Variants in ADGRL2 observed in about 807,000 individuals in gnomAD.
ADGRL2 encodes the protein adhesion G protein-coupled receptor L2.
Under a neutral mutation model 157.4 loss-of-function variants are expected in ADGRL2, and 44 were observed. The ratio of observed to expected loss-of-function variants is 0.28; its 90% CI spans 0.22 to 0.36. The LOEUF is 0.36. Among genes scored for constraint, ADGRL2 ranks in the 10% least tolerant of loss-of-function variants. The probability of loss-of-function intolerance (pLI) is 1.00; values close to 1 mark genes in which losing one functional copy is unlikely to be tolerated. For missense variants in ADGRL2, 1,510 were observed against 1,768.9 expected, an observed-to-expected ratio of 0.85 and a Z score of 2.63; for synonymous variants, 585 against 624.7, an observed-to-expected ratio of 0.94 and a Z score of 0.95.
At chr1:81,574,339 T>C (rs2080755474) in intron 2 of ADGRL2, among the ~76,000 whole-genome samples, 3 of 152,106 alleles carry the variant, frequency 2.0e-5, no homozygotes, top group Admixed American at 1.3e-4. Flanking sequence ...ATTAAAATCA[T>C]GTGTTAGGCA....
intron 3 of ADGRL2, among the ~76,000 whole-genome samples, chr1:81,664,079 T>A (rs866093346): frequency 6.6e-6 from 1 of 152,176 alleles, no homozygotes; most frequent in Admixed American, 6.5e-5. Flanking sequence ...TTTGTTTTTG[T>A]TTTTTACTTT....
chr1:81,916,973 GAA>G (rs142071618), intron 3 of ADGRL2, among the ~76,000 whole-genome samples: 1 of 149,302 alleles, frequency 6.7e-6, no homozygotes, highest in African/African-American at 2.4e-5. Context: ...GAGAAAGAGA[GAA>G]AAAAAAAATA....
intron 1 of ADGRL2, among the ~76,000 whole-genome samples, chr1:81,802,737 G>C (rs1025379638): frequency 1.3e-5 from 2 of 152,292 alleles, no homozygotes; most frequent in Non-Finnish European, 2.9e-5. Flanking sequence ...GTCCCGCACT[G>C]TAAGTGGAGC....
chr1:81,597,093 A>G (rs2081249310), intron 3 of ADGRL2, among the ~76,000 whole-genome samples: 1 of 152,206 alleles, frequency 6.6e-6, no homozygotes, highest in African/African-American at 2.4e-5. Context: ...ATGGAAAGAT[A>G]TTCTTCCTGA....
At chr1:81,379,280 G>C (rs541542811) in intron 1 of ADGRL2, among the ~76,000 whole-genome samples, 5 of 152,318 alleles carry the variant, frequency 3.3e-5, no homozygotes, top group African/African-American at 1.2e-4. Flanking sequence ...GCAGGCTGTG[G>C]GGCTCCGACC....
chr1:81,754,642 T>C (rs1247277808), intron 1 of ADGRL2, among the ~76,000 whole-genome samples: 1 of 148,644 alleles, frequency 6.7e-6, no homozygotes, highest in African/African-American at 2.5e-5. Flanking sequence ...TTCTTTTCCT[T>C]TCCTTTCCTT....
intron 2 of ADGRL2, among the ~76,000 whole-genome samples, chr1:81,774,359 T>C (rs1045362038): frequency 2.0e-5 from 3 of 152,238 alleles, no homozygotes; most frequent in Non-Finnish European, 2.9e-5. Flanking sequence ...ATACTCATGA[T>C]GGCAAACACA....
chr1:81,957,545 G>A (rs900744044), intron 11 of ADGRL2, among the ~76,000 whole-genome samples: 45 of 151,562 alleles, frequency 3.0e-4, no homozygotes, highest in Non-Finnish European at 5.3e-4. Flanking sequence ...CAAAAAATAC[G>A]CCAAGAAAAA....
intron 10 of ADGRL2, among the ~76,000 whole-genome samples, chr1:81,955,449 C>T (rs530591434): frequency 1.3e-5 from 2 of 152,124 alleles, no homozygotes; most frequent in East Asian, 3.9e-4. Context: ...TTCAAGCATA[C>T]ATATTAATCT....
chr1:81,720,179 CTTTTCTTTT>C (rs1448201609), intron 1 of ADGRL2, among the ~76,000 whole-genome samples: 2 of 138,888 alleles, frequency 1.4e-5, no homozygotes, highest in Non-Finnish European at 3.1e-5. Flanking sequence ...TCCTTTTTTT[CTTTTCTTTT>C]TTTTTTTTTT....
intron 1 of ADGRL2, among the ~76,000 whole-genome samples, chr1:81,746,908 G>A (rs1360116134): frequency 1.4e-5 from 2 of 141,890 alleles, no homozygotes; most frequent in Admixed American, 6.9e-5. Flanking sequence ...ATATACACAC[G>A]TGCACACGTA....
intron 1 of ADGRL2, among the ~76,000 whole-genome samples, chr1:81,733,671 C>A (rs1359070808): frequency 6.6e-6 from 1 of 152,112 alleles, no homozygotes; most frequent in East Asian, 1.9e-4. Flanking sequence ...CACAATTTAG[C>A]CCATAACATA....
chr1:81,710,057 G>A (rs2083872174), intron 1 of ADGRL2, among the ~76,000 whole-genome samples: 1 of 152,058 alleles, frequency 6.6e-6, no homozygotes, highest in South Asian at 2.1e-4. Flanking sequence ...TACAAGGCAA[G>A]AAACAAAGCT....
intron 1 of ADGRL2, among the ~76,000 whole-genome samples, chr1:81,384,715 T>A (rs2076404605): frequency 6.6e-6 from 1 of 152,088 alleles, no homozygotes; most frequent in African/African-American, 2.4e-5. Flanking sequence ...CTTCTGATCA[T>A]TTAGAAGATT....
chr1:81,600,513 C>T (rs2081314588), intron 3 of ADGRL2, among the ~76,000 whole-genome samples: 3 of 152,178 alleles, frequency 2.0e-5, no homozygotes, highest in Admixed American at 1.3e-4. Context: ...GCACAGGGCT[C>T]TCAAGAACAC....
intron 3 of ADGRL2, among the ~76,000 whole-genome samples, chr1:81,651,332 T>C (rs2082416129): frequency 6.6e-6 from 1 of 152,158 alleles, no homozygotes. Flanking sequence ...AAACCAAGAA[T>C]ATGTTGAAAA....
intron 3 of ADGRL2, among the ~76,000 whole-genome samples, chr1:81,936,269 C>T (rs902279419): frequency 2.0e-5 from 3 of 151,814 alleles, no homozygotes; most frequent in Non-Finnish European, 2.9e-5. Flanking sequence ...TTTGTGTTGT[C>T]AAAAACTTCC....
intron 3 of ADGRL2, among the ~76,000 whole-genome samples, chr1:81,608,925 C>G (rs1325647140): frequency 1.3e-5 from 2 of 152,072 alleles, no homozygotes; most frequent in Non-Finnish European, 2.9e-5. Flanking sequence ...AGGCTCTGGT[C>G]AAGACTCTGA....
chr1:81,414,625 C>T (rs2077003190), intron 1 of ADGRL2, among the ~76,000 whole-genome samples: 1 of 152,146 alleles, frequency 6.6e-6, no homozygotes. Context: ...CCTCTGAGTC[C>T]ATGTGAACGA....
Sources: gnomAD v4.1 joint callset for allele counts (sites outside exome capture counted in the v4.1 genomes callset) on GRCh38, gnomAD v4.1.1 for gene constraint, MANE v1.5 for transcripts, NCBI Gene and HGNC (gene_info 2026-07-23, HGNC 2026-07-21) for gene names.